The following CCDC91 variants were observed in gnomAD, a reference collection of about 807,000 sequenced individuals.
CCDC91 encodes the protein coiled-coil domain containing 91.
In CCDC91, 48 loss-of-function variants were observed where a neutral mutation model predicts 63.2. The ratio of observed to expected loss-of-function variants is 0.76; its 90% CI spans 0.60 to 0.97. CCDC91 has a LOEUF of 0.97. CCDC91 is among the 50% of genes least tolerant of loss of function. The pLI, the probability that CCDC91 is intolerant of heterozygous loss-of-function variation, is 0.00. For missense variants in CCDC91, 500 were observed against 494.6 expected (o/e 1.01, Z -0.10); for synonymous variants, 167 against 165.8 (o/e 1.01, Z -0.06).
intron 6 of CCDC91, among the ~76,000 whole-genome samples, chr12:28,317,826 A>G (rs1370700017): frequency 2.0e-5 from 3 of 151,806 alleles, no homozygotes; most frequent in Admixed American, 6.6e-5. Context: ...TTTAATCAGT[A>G]TTTGCACCTT....
intron 1 of CCDC91, among the ~76,000 whole-genome samples, chr12:28,230,120 A>T (rs1944496859): frequency 6.6e-6 from 1 of 151,854 alleles, no homozygotes; most frequent in Admixed American, 6.6e-5. Context: ...TATTTTGGGA[A>T]TATATCCTTT....
chr12:28,528,064 C>T lies in CCDC91; in HGVS notation c.1216-20999C>T, dbSNP rs373166267. 2.3e-4 allele frequency among the ~76,000 whole-genome samples: 35 copies of T among 152,284 alleles called. No homozygotes were observed. The South Asian group carries it at 7.3e-3, about 32-fold the overall frequency. On this transcript the variant is annotated intron_variant, in intron 12 of 12. Transcript: ENST00000536442. ...AGTAAGCAGGGCTTTCCTTCTCCCC[C>T]CACCTGTGGAGTCTGCACGCTGGAT...
At chr12:28,474,919 C>G (rs1951006118) in intron 11 of CCDC91, among the ~76,000 whole-genome samples, 1 of 151,998 alleles carries the variant, frequency 6.6e-6, no homozygotes, top group Non-Finnish European at 1.5e-5. Flanking sequence ...TCCTGAAGGA[C>G]TACTGGGTAC....
chr12:28,451,059 G>A (rs1428471226), intron 10 of CCDC91, among the ~76,000 whole-genome samples: 5 of 151,666 alleles, frequency 3.3e-5, no homozygotes, highest in Admixed American at 1.3e-4. Flanking sequence ...TGTCATAGAA[G>A]TTTTTTTAAA....
At chr12:28,368,846 GA>G (rs1944434248) in intron 7 of CCDC91, among the ~76,000 whole-genome samples, 1 of 152,012 alleles carries the variant, frequency 6.6e-6, no homozygotes, top group Non-Finnish European at 1.5e-5. Context: ...GAGAGAGAGA[GA>G]GAGAGAGATC....
At chr12:28,470,925 C>G (rs988507788) in intron 11 of CCDC91, among the ~76,000 whole-genome samples, 3 of 151,498 alleles carry the variant, frequency 2.0e-5, no homozygotes, top group African/African-American at 7.3e-5. Context: ...AGGATGGTTA[C>G]CAGAGGATGG....
At position 28,206,090 on chromosome 12, in the gene CCDC91, T is replaced by C. The variant is rs150079445; in HGVS notation, c.-15+15449T>C. The stretch of plus-strand genomic sequence containing the variant: ...GAAAAACAAACCAGGTCTGTTCTCC[T>C]GTAGGATCTATGTGTTTCCTTAAAG... On this transcript the variant is annotated intron_variant, in intron 1 of 12. Transcript: ENST00000536442. Among the ~76,000 whole-genome samples the C allele has an allele frequency of 3.9e-4, 60 of 152,360 alleles. 4 individuals are homozygous for C. The East Asian group carries it at 9.8e-3, about 25-fold the overall frequency.
At chr12:28,434,112 A>G (rs1280510081) in intron 8 of CCDC91, among the ~76,000 whole-genome samples, 1 of 151,644 alleles carries the variant, frequency 6.6e-6, no homozygotes, top group African/African-American at 2.4e-5. Context: ...GGGATTTTTT[A>G]TATAGACAGT....
chr12:28,440,743 A>G lies in CCDC91; in HGVS notation c.763-9418A>G, dbSNP rs80341855. ...GTAATAAAAAAAGAGAACTAAAAAT[A>G]TATGAACAGCAGGCTTAAAAGAAAA... On this transcript the variant is annotated intron_variant, in intron 8 of 12. Coordinates refer to ENST00000536442, the MANE Select transcript of CCDC91 (RefSeq NM_018318.5). Among the ~76,000 whole-genome samples, 1,401 of 152,198 alleles carry G rather than the reference A, an allele frequency of 9.2e-3. 27 individuals are homozygous for G. The highest frequency in any genetic ancestry group is 0.032 in the African/African-American group (1,331 of 41,528).
intron 8 of CCDC91, among the ~76,000 whole-genome samples, chr12:28,415,069 C>T (rs1367455782): frequency 6.6e-6 from 1 of 152,084 alleles, no homozygotes; most frequent in Non-Finnish European, 1.5e-5. Context: ...AATTAGCTAA[C>T]ATTTTGGTAA....
chr12:28,437,289 A>G lies in CCDC91; in HGVS notation c.763-12872A>G, dbSNP rs1320081029. On this transcript the variant is annotated intron_variant, in intron 8 of 12. Coordinates refer to ENST00000536442, the MANE Select transcript of CCDC91 (RefSeq NM_018318.5). ...TATAAACATATATCTAGCTTGAGGC[A>G]TAGTTTTTATTTAATTGTACCATAC... Among the ~76,000 whole-genome samples, 4 of 152,076 alleles carry G rather than the reference A, an allele frequency of 2.6e-5. No individual in the cohort carries two copies. The East Asian group carries it at 7.7e-4, about 29-fold the overall frequency.
Position 28,549,108 on chromosome 12 carries a change from T to C in CCDC91, c.1261T>C (p.Phe421Leu). 6.2e-7 allele frequency: 1 copy of C among 1,613,034 alleles called. No homozygotes were observed. The highest frequency in any genetic ancestry group is 8.5e-7 in the Non-Finnish European group (1 of 1,179,244). ...RQRSLSSLEL[F>L]LSCAQKQLSA... is the part of the protein sequence containing the mutation. ...AAGAAGCCTGTCCAGTTTGGAACTGTTCCTCTCCTGTGCACAGAAACAGTT... is the reference window on the plus strand; with the variant it reads ...AAGAAGCCTGTCCAGTTTGGAACTGCTCCTCTCCTGTGCACAGAAACAGTT... The change falls in exon 13 of 13, where the codon TTC becomes CTC. Residue 421 changes from phenylalanine to leucine, a missense_variant. Transcript: ENST00000536442.
rs77621068 is a variant in CCDC91 at position 28,416,675 on chromosome 12, A to T, written c.762+25264A>T. Among the ~76,000 whole-genome samples the T allele has an allele frequency of 9.2e-3, 1,396 of 152,128 alleles. 26 individuals carry two copies. The highest frequency in any genetic ancestry group is 0.032 in the African/African-American group (1,327 of 41,496). ...ATCAAGAAAGGGGGATTTTGTCCAA[A>T]CCTACTACTAAGTTAGATTCTTGCT... is the stretch of plus-strand genomic sequence containing the variant. On this transcript the variant is annotated intron_variant, in intron 8 of 12. Coordinates refer to ENST00000536442, the MANE Select transcript of CCDC91 (RefSeq NM_018318.5).
At chr12:28,302,766 C>G (rs1938219432) in intron 3 of CCDC91, 1 of 292,212 alleles carries the variant, frequency 3.4e-6, no homozygotes, top group African/African-American at 2.3e-5. Flanking sequence ...GATGGGCAAG[C>G]TTGGTATACC....
chr12:28,459,029 A>G (rs1183797150), intron 11 of CCDC91, among the ~76,000 whole-genome samples: 1 of 152,148 alleles, frequency 6.6e-6, no homozygotes, highest in Non-Finnish European at 1.5e-5. Context: ...TTACCTGTCT[A>G]GCTCGTCTGC....
intron 12 of CCDC91, among the ~76,000 whole-genome samples, chr12:28,533,654 C>T (rs1386356122): frequency 6.6e-6 from 1 of 151,946 alleles, no homozygotes; most frequent in African/African-American, 2.4e-5. Context: ...GTATGTAGTT[C>T]TCTTTATAAG....
intron 7 of CCDC91, among the ~76,000 whole-genome samples, chr12:28,375,536 G>A (rs1255321675): frequency 6.6e-6 from 1 of 151,874 alleles, no homozygotes; most frequent in Admixed American, 6.6e-5. Context: ...GTGAAATTTT[G>A]TTGAAGTACA....
intron 8 of CCDC91, among the ~76,000 whole-genome samples, chr12:28,424,749 G>T (rs1421859120): frequency 6.6e-6 from 1 of 152,012 alleles, no homozygotes; most frequent in Admixed American, 6.6e-5. Context: ...ACAATATCCC[G>T]AATTTTCATG....
At chr12:28,450,480 T>G in intron 10 of CCDC91, 62 bp downstream of exon 10, 1 of 1,105,484 alleles carries the variant, frequency 9.0e-7, no homozygotes, top group Non-Finnish European at 1.4e-6. Flanking sequence ...TGGAATATAT[T>G]AATAGTATTC....
Sources: gnomAD v4.1 joint callset for allele counts (sites outside exome capture counted in the v4.1 genomes callset) on GRCh38, gnomAD v4.1.1 for gene constraint, MANE v1.5 for transcripts, NCBI Gene and HGNC (gene_info 2026-07-23, HGNC 2026-07-21) for gene names.